Variants in MYO18B observed in about 807,000 individuals in gnomAD.
MYO18B encodes the protein unconventional myosin-XVIIIb.
In MYO18B, 204 loss-of-function variants were observed where a neutral mutation model predicts 273.0. That is an observed-to-expected ratio of 0.75 (90% CI 0.67 to 0.84). The LOEUF (loss-of-function observed/expected upper bound fraction) is 0.84, where lower values mean the gene tolerates loss of function less well. Among genes scored for constraint, MYO18B ranks in the 40% least tolerant of loss-of-function variants. The pLI, the probability that MYO18B is intolerant of heterozygous loss-of-function variation, is 0.00. For synonymous variants in MYO18B, 1,330 were observed against 1,305.7 expected (o/e 1.02, Z -0.40); for missense variants, 3,212 against 3,287.6 (o/e 0.98, Z 0.56).
intron 11 of MYO18B, among the ~76,000 whole-genome samples, chr22:25,787,960 A>G (rs77693036): frequency 0.014 from 2,196 of 152,290 alleles, 71 homozygotes; most frequent in African/African-American, 0.051. Flanking sequence ...TGTTTTTGAG[A>G]AGGAAAAGGA....
chr22:26,035,775 A>C (rs1298619580), downstream of MYO18B, among the ~76,000 whole-genome samples: 1 of 152,232 alleles, frequency 6.6e-6, no homozygotes, highest in East Asian at 1.9e-4. Flanking sequence ...GCAGGGAAGG[A>C]GAACAGGAGC....
At chr22:26,003,148 C>T in intron 40 of MYO18B, 117 bp from the exon 41 acceptor site, 1 of 926,624 alleles carries the variant, frequency 1.1e-6, no homozygotes, top group Non-Finnish European at 1.7e-6. Context: ...CCTGAGATCA[C>T]ACAGGGGCAA....
chr22:25,997,654 G>A (rs772771643), intron 40 of MYO18B, among the ~76,000 whole-genome samples: 2 of 152,166 alleles, frequency 1.3e-5, no homozygotes, highest in African/African-American at 4.8e-5. Context: ...TATAAAGCAT[G>A]TTGTCTGATC....
intron 12 of MYO18B, among the ~76,000 whole-genome samples, chr22:25,804,389 G>C (rs1422153072): frequency 6.6e-6 from 1 of 152,216 alleles, no homozygotes; most frequent in Non-Finnish European, 1.5e-5. Flanking sequence ...TTACTTGCTA[G>C]ATCACCGGAC....
At chr22:25,824,587 G>A (rs943427123) in intron 13 of MYO18B, among the ~76,000 whole-genome samples, 35 of 152,238 alleles carry the variant, frequency 2.3e-4, no homozygotes, top group African/African-American at 6.7e-4. Context: ...TAATGAGTAG[G>A]AGTGTTGTGA....
chr22:25,876,933 C>T (rs575418481), intron 24 of MYO18B: 1 of 152,304 alleles, frequency 6.6e-6, no homozygotes, highest in African/African-American at 2.4e-5. Context: ...GTCTTTATGG[C>T]TGCATAGCCC....
At chr22:26,045,679 T>G in the MYO18B span, among the ~76,000 whole-genome samples, 1 of 152,144 alleles carries the variant, frequency 6.6e-6, no homozygotes, top group African/African-American at 2.4e-5. Context: ...CTGAAGGGAG[T>G]AGCAACTTGA....
chr22:25,788,838 A>G (rs2087511804), intron 11 of MYO18B, among the ~76,000 whole-genome samples: 1 of 152,106 alleles, frequency 6.6e-6, no homozygotes, highest in Non-Finnish European at 1.5e-5. Flanking sequence ...TGACGTAGTG[A>G]TGTTCGAATC....
chr22:26,014,735 CTT>C (rs1050685143), intron 42 of MYO18B, among the ~76,000 whole-genome samples: 1 of 152,226 alleles, frequency 6.6e-6, no homozygotes, highest in Non-Finnish European at 1.5e-5. Flanking sequence ...CTTTTTTTGA[CTT>C]TTAAATAATA....
At chr22:25,867,814 G>A (rs899971272) in intron 21 of MYO18B, among the ~76,000 whole-genome samples, 1 of 152,088 alleles carries the variant, frequency 6.6e-6, no homozygotes, top group African/African-American at 2.4e-5. Context: ...TGTATTTTCA[G>A]TAGAGACGGG....
rs567242582 is a variant in MYO18B, at chr22:25,855,361, G to A, written c.3885+3782G>A. Among the ~76,000 whole-genome samples the A allele has an allele frequency of 6.6e-4, 94 of 143,346 alleles. 1 individual carries two copies. The highest frequency in any genetic ancestry group is 2.2e-3 in the African/African-American group (86 of 38,644). 94.0% of individuals were successfully genotyped at this position (143,346 alleles called of 152,430 possible). On this transcript the variant is annotated intron_variant, in intron 21 of 43. Coordinates refer to ENST00000335473, the MANE Select transcript of MYO18B (RefSeq NM_032608.7). ...TGCGGTGGCACGATCTTGGCTCACC[G>A]CAAGCTCTGCCTCCCGGGTTCACAC... is the stretch of plus-strand genomic sequence containing the variant.
the MYO18B span, among the ~76,000 whole-genome samples, chr22:26,051,921 C>G: frequency 6.6e-6 from 1 of 152,188 alleles, no homozygotes; most frequent in Admixed American, 6.5e-5. Flanking sequence ...CACAAAAATA[C>G]CACCGTAATA....
At chr22:26,033,173 C>G (rs1363348712), downstream of MYO18B, among the ~76,000 whole-genome samples, 1 of 152,054 alleles carries the variant, frequency 6.6e-6, no homozygotes, top group Non-Finnish European at 1.5e-5. Flanking sequence ...GAGCCTGGAA[C>G]CTTTGAGTTT....
chr22:25,907,341 T>A (rs1367533641), intron 31 of MYO18B, among the ~76,000 whole-genome samples: 1 of 152,222 alleles, frequency 6.6e-6, no homozygotes, highest in Non-Finnish European at 1.5e-5. Context: ...GCCTGTTGCA[T>A]GTGTTTTGGA....
Position 25,760,936 on chromosome 22 carries a change from A to G in MYO18B, c.-109-48A>G, listed in dbSNP as rs1183111970. The G allele has an allele frequency of 1.8e-5, 15 of 811,344 alleles. No homozygotes were observed. In the East Asian group the frequency reaches 3.3e-4, roughly 18 times the overall value. The allele number at this position is 811,344 out of a possible 1,614,324, so 50.3% of individuals were successfully genotyped here. Reference sequence around the variant, plus strand: ...GGGTGGGAGTAGGGCTGTGCCCATGAGCTAACCTGTCTCTCTCTTCTCTCC... The same window carrying G: ...GGGTGGGAGTAGGGCTGTGCCCATGGGCTAACCTGTCTCTCTCTTCTCTCC... On this transcript the variant is annotated intron_variant, in intron 1 of 43. Coordinates refer to ENST00000335473, the MANE Select transcript of MYO18B (RefSeq NM_032608.7).
At chr22:25,812,280 G>T (rs2088798617) in intron 12 of MYO18B, among the ~76,000 whole-genome samples, 1 of 152,162 alleles carries the variant, frequency 6.6e-6, no homozygotes, top group Admixed American at 6.5e-5. Flanking sequence ...AGCCCGACCA[G>T]GTGCCCATCT....
At chr22:25,780,339 C>A in intron 9 of MYO18B, 141 bp downstream of exon 9, 1 of 1,079,966 alleles carries the variant, frequency 9.3e-7, no homozygotes, top group Non-Finnish European at 1.3e-6. Context: ...GCCTGTAATC[C>A]CAGCACTTTG....
chr22:26,038,962 C>T, the MYO18B span, among the ~76,000 whole-genome samples: 1 of 152,188 alleles, frequency 6.6e-6, no homozygotes, highest in Non-Finnish European at 1.5e-5. Flanking sequence ...TTGGTCCTAG[C>T]ACTTTGTAAG....
At chr22:25,857,407 C>T (rs1187937129) in intron 21 of MYO18B, among the ~76,000 whole-genome samples, 2 of 152,156 alleles carry the variant, frequency 1.3e-5, no homozygotes, top group South Asian at 2.1e-4. Context: ...GCTGTCAATC[C>T]GTCTTCTCAA....
Sources: allele counts gnomAD v4.1 joint callset (sites outside exome capture counted in the v4.1 genomes callset), GRCh38; gene constraint gnomAD v4.1.1; transcripts MANE v1.5; gene names NCBI Gene and HGNC (gene_info 2026-07-23, HGNC 2026-07-21).